Variants in NRXN3 observed in about 807,000 individuals in gnomAD.
The protein encoded by NRXN3 is neurexin III.
Under a neutral mutation model 137.6 loss-of-function variants are expected in NRXN3, and 32 were observed. That is an observed-to-expected ratio of 0.23 (90% CI 0.18 to 0.31). The LOEUF is 0.31. NRXN3 is among the 10% of genes least tolerant of loss of function. The pLI is 1.00. For synonymous variants in NRXN3, 798 were observed against 784.5 expected (o/e 1.02, Z -0.29); for missense variants, 1,574 against 2,062.5 (o/e 0.76, Z 4.59).
chr14:79,096,645 T>TGGCTTGTG (rs2050397913), intron 15 of NRXN3, among the ~76,000 whole-genome samples: 1 of 152,032 alleles, frequency 6.6e-6, no homozygotes, highest in East Asian at 1.9e-4. Flanking sequence ...TCAGCCACCA[T>TGGCTTGTG]ACTTGGCTCT....
chr14:78,425,906 G>T (rs2093646593), intron 4 of NRXN3, among the ~76,000 whole-genome samples: 1 of 152,286 alleles, frequency 6.6e-6, no homozygotes, highest in Admixed American at 6.5e-5. Context: ...CGTAGTCAAG[G>T]CCCAAGAAGT....
At chr14:79,488,945 G>A (rs879722850) in intron 16 of NRXN3, among the ~76,000 whole-genome samples, 1 of 152,032 alleles carries the variant, frequency 6.6e-6, no homozygotes, top group Non-Finnish European at 1.5e-5. Flanking sequence ...TCCTCCTAGA[G>A]CACCCTTAAG....
chr14:79,606,803 G>C (rs1303435408), intron 16 of NRXN3, among the ~76,000 whole-genome samples: 1 of 152,184 alleles, frequency 6.6e-6, no homozygotes, highest in Non-Finnish European at 1.5e-5. Context: ...CTAATACATG[G>C]GTACCACTGT....
In NRXN3 at chr14:79,187,861, T is replaced by C. The variant is rs372871006; in HGVS notation, c.3262+199720T>C. 2.0e-3 allele frequency among the ~76,000 whole-genome samples: 306 copies of C among 152,344 alleles called. 1 individual carries two copies. Among genetic ancestry groups the C allele is most frequent in the African/African-American group, 6.4e-3 (265 of 41,586 alleles). On this transcript the variant is annotated intron_variant, in intron 15 of 20. Coordinates refer to ENST00000335750, the MANE Select transcript of NRXN3 (RefSeq NM_001330195.2). ...GTTTGCGACTTGAGGACATGGGTCATGCCCTCTGTGTGTACCACTCACTAT... is the reference window on the plus strand; with the variant it reads ...GTTTGCGACTTGAGGACATGGGTCACGCCCTCTGTGTGTACCACTCACTAT...
chr14:79,544,507 C>T (rs997533766), intron 16 of NRXN3, among the ~76,000 whole-genome samples: 2 of 152,012 alleles, frequency 1.3e-5, no homozygotes, highest in East Asian at 3.9e-4. Context: ...TGGATGGATG[C>T]CATTTCTGTT....
chr14:79,222,843 C>T lies in NRXN3; in HGVS notation c.3262+234702C>T, dbSNP rs7159374. Among the ~76,000 whole-genome samples the T allele has an allele frequency of 8.1e-3, 1,227 of 152,172 alleles. 34 individuals carry two copies. The South Asian group carries it at 0.085, about 11-fold the overall frequency. On this transcript the variant is annotated intron_variant, in intron 15 of 20. Transcript: ENST00000335750. ...TTACTTTTTGGGTGAGGTGTGTGTT[C>T]AGATCTTTGGCCATTTTTCATCTGC...
chr14:79,292,380 GT>G (rs945587396), intron 15 of NRXN3, among the ~76,000 whole-genome samples: 2 of 152,024 alleles, frequency 1.3e-5, no homozygotes, highest in African/African-American at 4.8e-5. Context: ...CTAAGAATCC[GT>G]TTTTTTCAGG....
intron 4 of NRXN3, among the ~76,000 whole-genome samples, chr14:78,373,698 T>C (rs996327859): frequency 2.0e-5 from 3 of 152,056 alleles, no homozygotes; most frequent in Admixed American, 6.6e-5. Flanking sequence ...AGTGGTGTGA[T>C]GGAAATGCAA....
chr14:79,198,462 T>C (rs1162431173), intron 15 of NRXN3, among the ~76,000 whole-genome samples: 1 of 152,190 alleles, frequency 6.6e-6, no homozygotes. Context: ...CATTTTTTAG[T>C]ATTTGGATTT....
intron 16 of NRXN3, among the ~76,000 whole-genome samples, chr14:79,554,935 T>C (rs919086510): frequency 7.2e-5 from 11 of 152,090 alleles, no homozygotes; most frequent in Admixed American, 1.3e-4. Flanking sequence ...TTGATGTAGT[T>C]TGGTTGATTC....
chr14:79,405,489 G>A (rs1567034777), intron 15 of NRXN3, among the ~76,000 whole-genome samples: 1 of 152,128 alleles, frequency 6.6e-6, no homozygotes, highest in East Asian at 1.9e-4. Context: ...TCCCACAGGA[G>A]ATTCTAGAAG....
intron 16 of NRXN3, among the ~76,000 whole-genome samples, chr14:79,493,446 A>G (rs1042560786): frequency 6.6e-6 from 1 of 152,254 alleles, no homozygotes; most frequent in African/African-American, 2.4e-5. Flanking sequence ...TGATAGATGC[A>G]TCCTGGAATC....
chr14:78,441,674 G>A (rs1476024222), intron 4 of NRXN3, among the ~76,000 whole-genome samples: 1 of 152,084 alleles, frequency 6.6e-6, no homozygotes, highest in Non-Finnish European at 1.5e-5. Flanking sequence ...TTAATTGCTG[G>A]AACTTGTCAA....
At chr14:78,685,938 C>T (rs188900633) in intron 6 of NRXN3, among the ~76,000 whole-genome samples, 112 of 152,058 alleles carry the variant, frequency 7.4e-4, no homozygotes, top group Non-Finnish European at 1.1e-3. Flanking sequence ...CGTGTGCCAC[C>T]GCACCCGGCC....
intron 15 of NRXN3, among the ~76,000 whole-genome samples, chr14:79,240,371 G>A (rs995120481): frequency 6.6e-6 from 1 of 151,998 alleles, no homozygotes; most frequent in African/African-American, 2.4e-5. Flanking sequence ...CCTTGCAAAG[G>A]TAGCCTCTCT....
chr14:79,574,289 G>T (rs2097644875), intron 16 of NRXN3, among the ~76,000 whole-genome samples: 1 of 151,834 alleles, frequency 6.6e-6, no homozygotes. Flanking sequence ...AAGGTAGATG[G>T]TATAGCATAA....
At chr14:78,892,470 A>T (rs1172780143) in intron 10 of NRXN3, among the ~76,000 whole-genome samples, 2 of 151,844 alleles carry the variant, frequency 1.3e-5, no homozygotes, top group African/African-American at 4.8e-5. Context: ...CACGCTTGTG[A>T]GTTTAGACAT....
intron 20 of NRXN3, among the ~76,000 whole-genome samples, chr14:79,818,018 T>C (rs2099257025): frequency 6.6e-6 from 1 of 150,712 alleles, no homozygotes; most frequent in Admixed American, 6.6e-5. Context: ...TCCCTTGATG[T>C]CACCTATGCA....
chr14:78,642,458 G>C (rs1319226564), intron 4 of NRXN3, among the ~76,000 whole-genome samples: 1 of 152,116 alleles, frequency 6.6e-6, no homozygotes, highest in East Asian at 1.9e-4. Context: ...CCTTTGAAGG[G>C]TACTGGATGA....
Sources: gnomAD v4.1 joint callset for allele counts (sites outside exome capture counted in the v4.1 genomes callset) on GRCh38, gnomAD v4.1.1 for gene constraint, MANE v1.5 for transcripts, NCBI Gene and HGNC (gene_info 2026-07-23, HGNC 2026-07-21) for gene names.